Variants in CRYBB2 observed in about 807,000 individuals in gnomAD.
The protein encoded by CRYBB2 is crystallin beta B2, also known as beta-crystallin B2.
CRYBB2 carries 12 observed loss-of-function variants against 24.3 expected under a neutral mutation model. That is an observed-to-expected ratio of 0.49 (90% confidence interval 0.32 to 0.80). The LOEUF (loss-of-function observed/expected upper bound fraction) is 0.80. Ranked by LOEUF, CRYBB2 falls within the 30% of genes least tolerant of loss-of-function variation. The probability of loss-of-function intolerance (pLI) is 0.04; values close to 1 mark genes in which losing one functional copy is unlikely to be tolerated. For missense variants in CRYBB2, 198 were observed against 268.5 expected (o/e 0.74, Z 1.83); for synonymous variants, 98 against 101.6 (o/e 0.96, Z 0.21).
Position 25,224,982 on chromosome 22 carries a change from A to G in CRYBB2, c.119A>G (p.Asn40Ser), listed in dbSNP as rs749022256. 3.7e-6 allele frequency: 6 copies of G among 1,613,678 alleles called. No homozygotes were observed. In the East Asian group the frequency reaches 8.9e-5, roughly 24 times the overall value. The change falls in exon 3 of 6, where the codon AAC becomes AGC. Residue 40 changes from asparagine to serine, a missense_variant. Coordinates refer to ENST00000398215, the MANE Select transcript of CRYBB2 (RefSeq NM_000496.3). Reference sequence around the variant, plus strand: ...CATGAGCTCAATGGGCCCTGCCCCAACCTGAAGGAAACTGGCGTGGAGAAG... The same window carrying G: ...CATGAGCTCAATGGGCCCTGCCCCAGCCTGAAGGAAACTGGCGTGGAGAAG... Reference protein sequence around the residue: ...HSHELNGPCPNLKETGVEKAG... With the variant: ...HSHELNGPCPSLKETGVEKAG...
upstream of CRYBB2, among the ~76,000 whole-genome samples, chr22:25,215,039 G>A (rs76378635): frequency 1.3e-5 from 2 of 152,194 alleles, no homozygotes; most frequent in Admixed American, 6.5e-5. Context: ...CAAAAGTAAC[G>A]CCAAAACCCA....
At chr22:25,226,956 G>T (rs1935428930) in intron 3 of CRYBB2, among the ~76,000 whole-genome samples, 1 of 152,080 alleles carries the variant, frequency 6.6e-6, no homozygotes, top group African/African-American at 2.4e-5. Context: ...TTACAGGCGT[G>T]AGCCACAGCG....
chr22:25,226,736 C>T (rs1398217965), intron 3 of CRYBB2, among the ~76,000 whole-genome samples: 1 of 152,148 alleles, frequency 6.6e-6, no homozygotes, highest in Non-Finnish European at 1.5e-5. Context: ...TTCAATGGTG[C>T]GATCTCAAGT....
chr22:25,216,207 A>G (rs796831665), upstream of CRYBB2, among the ~76,000 whole-genome samples: 14 of 152,360 alleles, frequency 9.2e-5, no homozygotes, highest in African/African-American at 2.9e-4. Flanking sequence ...TCCATAAAAG[A>G]TATTCCAAAG....
chr22:25,218,810 G>GA (rs1320451456), upstream of CRYBB2, among the ~76,000 whole-genome samples: 2 of 122,484 alleles, frequency 1.6e-5, no homozygotes, highest in East Asian at 2.7e-4. Context: ...AAGAAAGAAA[G>GA]AAAGAAAGAA....
upstream of CRYBB2, among the ~76,000 whole-genome samples, chr22:25,218,804 AAG>A (rs1160492454): frequency 6.7e-5 from 8 of 119,486 alleles, no homozygotes; most frequent in East Asian, 1.1e-3. Flanking sequence ...GAAAGAAAGA[AAG>A]AAAGAAAGAA....
At chr22:25,222,260 A>T (rs984120273) in intron 2 of CRYBB2, among the ~76,000 whole-genome samples, 1 of 152,188 alleles carries the variant, frequency 6.6e-6, no homozygotes, top group East Asian at 1.9e-4. Flanking sequence ...TGCTCACCCC[A>T]ATCTGTCCCT....
At chr22:25,230,971 G>A (rs1343505135) in intron 5 of CRYBB2, among the ~76,000 whole-genome samples, 11 of 152,300 alleles carry the variant, frequency 7.2e-5, no homozygotes, top group Non-Finnish European at 1.2e-4. Context: ...GCCCTGTGGT[G>A]TGTGTGGGGG....
At chr22:25,213,341 G>A (rs1935129217) in intron 1 of CRYBB2, 2 of 152,162 alleles carry the variant, frequency 1.3e-5, no homozygotes, top group Admixed American at 1.3e-4. Flanking sequence ...GGAGCAAGAA[G>A]ATGAAGTGGA....
At chr22:25,229,115 G>A (rs1451535440) in intron 4 of CRYBB2, among the ~76,000 whole-genome samples, 1 of 152,208 alleles carries the variant, frequency 6.6e-6, no homozygotes, top group Admixed American at 6.5e-5. Context: ...GTGTGTGCAT[G>A]TGTGGGTGTT....
chr22:25,218,820 A>AAAAAGAAAGAAAGAAAG (rs1569016436), upstream of CRYBB2, among the ~76,000 whole-genome samples: 1 of 91,088 alleles, frequency 1.1e-5, no homozygotes, highest in Non-Finnish European at 2.1e-5. Context: ...GAAAGAAAGA[A>AAAAAGAAAGAAAGAAAG]AGAAAGAAAG....
exon 1 of CRYBB2, chr22:25,212,752 T>C (rs1019265926): frequency 1.3e-5 from 2 of 152,180 alleles, no homozygotes; most frequent in African/African-American, 4.8e-5. Context: ...GCAGCTATAA[T>C]CTTGGCGGAA....
At chr22:25,212,573 C>G (rs1335588238) in exon 1 of CRYBB2, among the ~76,000 whole-genome samples, 1 of 152,198 alleles carries the variant, frequency 6.6e-6, no homozygotes, top group Non-Finnish European at 1.5e-5. Flanking sequence ...CTTTCCCTTG[C>G]CTTTCCGTCG....
intron 2 of CRYBB2, among the ~76,000 whole-genome samples, chr22:25,224,073 G>A (rs888571897): frequency 1.1e-4 from 16 of 149,558 alleles, no homozygotes; most frequent in Non-Finnish European, 2.2e-4. Context: ...GCAGTGAGCC[G>A]AGATCGCGCC....
At chr22:25,218,004 A>G (rs1332337125), upstream of CRYBB2, among the ~76,000 whole-genome samples, 1 of 152,138 alleles carries the variant, frequency 6.6e-6, no homozygotes, top group Non-Finnish European at 1.5e-5. Context: ...TCACGCCTGT[A>G]ATCCCAGCAC....
At chr22:25,221,568 T>A in intron 2 of CRYBB2, 85 bp downstream of exon 2, 2 of 1,021,450 alleles carry the variant, frequency 2.0e-6, no homozygotes, top group South Asian at 2.6e-5. Context: ...GGCATCTTTC[T>A]TCATGGGTAC....
intron 2 of CRYBB2, among the ~76,000 whole-genome samples, chr22:25,222,256 C>A (rs908227895): frequency 3.3e-5 from 5 of 152,222 alleles, no homozygotes; most frequent in African/African-American, 1.2e-4. Flanking sequence ...CACCTGCTCA[C>A]CCCAATCTGT....
intron 2 of CRYBB2, among the ~76,000 whole-genome samples, chr22:25,221,844 C>T (rs1189763581): frequency 6.6e-6 from 1 of 152,328 alleles, no homozygotes; most frequent in African/African-American, 2.4e-5. Context: ...CCTGGCTCTG[C>T]ACCTGCTGTG....
rs770359748 is a variant in CRYBB2 at position 25,231,742 on chromosome 22, C to G, written c.588C>G (p.His196Gln). The G allele has an allele frequency of 6.2e-7, 1 of 1,614,156 alleles. No individual in the cohort carries two copies. Among genetic ancestry groups the G allele is most frequent in the Non-Finnish European group, 8.5e-7 (1 of 1,180,032 alleles). ...SVRRIRDMQW[H>Q]QRGAFHPSN ...GCCGTATCCGCGACATGCAGTGGCA[C>G]CAACGTGGTGCCTTCCACCCCTCCA... Residue 196 changes from histidine to glutamine, a missense_variant, in exon 6 of 6, where the codon CAC becomes CAG. Physicochemically the swap from His to Gln is conservative, Grantham distance 24. Coordinates refer to ENST00000398215, the MANE Select transcript of CRYBB2 (RefSeq NM_000496.3).
Sources: gnomAD v4.1 joint callset for allele counts (sites outside exome capture counted in the v4.1 genomes callset) on GRCh38, gnomAD v4.1.1 for gene constraint, MANE v1.5 for transcripts, NCBI Gene and HGNC (gene_info 2026-07-23, HGNC 2026-07-21) for gene names.